The following OR1D2 variants were observed in gnomAD, a reference collection of about 807,000 sequenced individuals.
OR1D2 encodes olfactory receptor 1D2.
For synonymous variants in OR1D2, 157 were observed against 153.9 expected (o/e 1.02, Z -0.15); for missense variants, 357 against 376.1 (o/e 0.95, Z 0.42).
At chr17:3,099,623 G>A (rs569412326) in intron 1 of OR1D2, among the ~76,000 whole-genome samples, 1 of 152,222 alleles carries the variant, frequency 6.6e-6, no homozygotes, top group East Asian at 1.9e-4. Flanking sequence ...ATCAACCAGT[G>A]TGCAAAATAA....
intron 1 of OR1D2, among the ~76,000 whole-genome samples, chr17:3,098,734 G>A (rs1017210534): frequency 3.9e-5 from 6 of 152,148 alleles, no homozygotes; most frequent in African/African-American, 1.4e-4. Flanking sequence ...ACTCCTCCGA[G>A]CTAAAGGAGC....
intron 1 of OR1D2, among the ~76,000 whole-genome samples, chr17:3,096,849 T>C (rs2047847953): frequency 6.6e-6 from 1 of 152,180 alleles, no homozygotes; most frequent in African/African-American, 2.4e-5. Flanking sequence ...TGATCCACAC[T>C]GTAAATTAAC....
chr17:3,098,168 G>A (rs907295637), intron 1 of OR1D2, among the ~76,000 whole-genome samples: 21 of 152,314 alleles, frequency 1.4e-4, no homozygotes, highest in African/African-American at 4.6e-4. Context: ...TTCACCAAGG[G>A]ACAAAGTGCT....
chr17:3,097,242 T>A (rs9807055), intron 1 of OR1D2, among the ~76,000 whole-genome samples: 3,503 of 152,270 alleles, frequency 0.023, 142 homozygotes, highest in African/African-American at 0.078. Flanking sequence ...CATTTTACAA[T>A]GGACTTTAAA....
intron 1 of OR1D2, among the ~76,000 whole-genome samples, chr17:3,096,264 G>A (rs891015365): frequency 2.6e-5 from 4 of 152,108 alleles, no homozygotes; most frequent in Non-Finnish European, 5.9e-5. Flanking sequence ...TGAATGCATA[G>A]AACAATTCAA....
chr17:3,095,337 T>G (rs868740032), intron 1 of OR1D2, among the ~76,000 whole-genome samples: 1 of 151,894 alleles, frequency 6.6e-6, no homozygotes, highest in Middle Eastern at 3.2e-3. Flanking sequence ...CAAAGGAGGC[T>G]CCAAGACAGT....
chr17:3,101,460 TA>T (rs774697976), intron 1 of OR1D2, among the ~76,000 whole-genome samples: 13 of 152,152 alleles, frequency 8.5e-5, no homozygotes, highest in Non-Finnish European at 1.9e-4. Flanking sequence ...AGCATTTTGA[TA>T]AAATTCAACA....
chr17:3,092,014 G>T lies in OR1D2; in HGVS notation c.*44C>A, dbSNP rs1217828004. The T allele has an allele frequency of 7.1e-7, 1 of 1,418,214 alleles. No homozygotes were observed. The highest frequency in any genetic ancestry group is 1.4e-5 in the African/African-American group (1 of 70,838). The allele number at this position is 1,418,214 out of a possible 1,614,324, so 87.9% of individuals were successfully genotyped here. The stretch of plus-strand genomic sequence containing the variant: ...GGACAATCCCTTACATAGGGTGAAG[G>T]ATATTCCTAGTCTCCACTTTAATGC... On this transcript the variant is annotated 3_prime_UTR_variant, in exon 2 of 2. Transcript: ENST00000641833.
chr17:3,092,311 G>C lies in OR1D2; in HGVS notation c.686C>G (p.Pro229Arg), dbSNP rs1381565789. 7.4e-6 allele frequency: 12 copies of C among 1,613,984 alleles called. No homozygotes were observed. Among genetic ancestry groups the C allele is most frequent in the Non-Finnish European group, 8.5e-6 (10 of 1,180,028 alleles). Residue 229 changes from proline to arginine, a missense_variant, in exon 2 of 2, where the codon CCC becomes CGC. Physicochemically the swap from Pro to Arg is moderately radical, Grantham distance 103. Transcript: ENST00000641833. The part of the protein sequence containing the change: ...VLIIRAILRI[P>R]SVSKKYKAFS... ...GGCTTTGTATTTCTTAGAGACTGAGGGTATTCTGAGGATGGCTCTGATAAT... is the reference window on the plus strand; with the variant it reads ...GGCTTTGTATTTCTTAGAGACTGAGCGTATTCTGAGGATGGCTCTGATAAT...
chr17:3,098,806 T>G (rs530791371), intron 1 of OR1D2, among the ~76,000 whole-genome samples: 23 of 152,224 alleles, frequency 1.5e-4, no homozygotes, highest in African/African-American at 5.5e-4. Flanking sequence ...AGCTGCTGAC[T>G]AGAATAATCA....
At chr17:3,102,799 G>T (rs923860183) in intron 1 of OR1D2, among the ~76,000 whole-genome samples, 1 of 152,148 alleles carries the variant, frequency 6.6e-6, no homozygotes, top group South Asian at 2.1e-4. Flanking sequence ...TGTGATGGGG[G>T]TGGCAAAGGG....
intron 1 of OR1D2, among the ~76,000 whole-genome samples, chr17:3,101,718 G>A (rs2047875692): frequency 6.6e-6 from 1 of 152,176 alleles, no homozygotes; most frequent in African/African-American, 2.4e-5. Flanking sequence ...TAGGAAGAGA[G>A]GAAGTCGAAT....
intron 1 of OR1D2, among the ~76,000 whole-genome samples, chr17:3,099,857 A>T (rs2047866569): frequency 1.3e-5 from 2 of 152,172 alleles, no homozygotes; most frequent in Non-Finnish European, 2.9e-5. Context: ...AAGCAAAAAA[A>T]TAAAAAATAA....
intron 1 of OR1D2, among the ~76,000 whole-genome samples, chr17:3,094,411 TA>T (rs554084257): frequency 5.3e-5 from 8 of 149,664 alleles, no homozygotes; most frequent in East Asian, 1.9e-4. Flanking sequence ...TGTAAAAATA[TA>T]AAAAAATGTA....
chr17:3,100,217 A>G (rs1368288823), intron 1 of OR1D2, among the ~76,000 whole-genome samples: 1 of 152,198 alleles, frequency 6.6e-6, no homozygotes, highest in Non-Finnish European at 1.5e-5. Flanking sequence ...TCCACCCCCA[A>G]TCAACAAAAT....
At chr17:3,093,985 A>G (rs1160231854) in intron 1 of OR1D2, among the ~76,000 whole-genome samples, 2 of 152,212 alleles carry the variant, frequency 1.3e-5, no homozygotes. Flanking sequence ...TAGATAAGCT[A>G]GAAAAACATT....
Position 3,092,681 on chromosome 17 carries a change from A to G in OR1D2, c.316T>C (p.Ser106Pro), listed in dbSNP as rs926000759. The change falls in exon 2 of 2, where the codon TCC becomes CCC. Residue 106 changes from serine (S) to proline (P), a missense_variant. By Grantham distance (74) the Ser-to-Pro change is moderately conservative. Coordinates refer to ENST00000641833, the MANE Select transcript of OR1D2 (RefSeq NM_002548.3). The stretch of plus-strand genomic sequence containing the variant: ...ATGAGGTTGTCCAGGGCCACCAAGG[A>G]GACCAGGAAGTAGAGCTGTGTCAGA... ...GCLTQLYFLVSLVALDNLILA... is the reference protein window; with the variant it reads ...GCLTQLYFLVPLVALDNLILA... The G allele has an allele frequency of 4.3e-6, 7 of 1,614,140 alleles. No homozygotes were observed. The Middle Eastern group carries it at 5.0e-4, about 114-fold the overall frequency.
In OR1D2 at chr17:3,092,059, C is replaced by A; in HGVS notation, c.938G>T (p.Ter313LeuextTer45). The A allele has an allele frequency of 6.2e-7, 1 of 1,600,876 alleles. No individual in the cohort carries two copies. The highest frequency in any genetic ancestry group is 8.5e-7 in the Non-Finnish European group (1 of 1,173,574). Residue 313 changes from the stop codon to leucine (L), a stop_lost, in exon 2 of 2, where the codon TGA becomes TTA. Coordinates refer to ENST00000641833, the MANE Select transcript of OR1D2 (RefSeq NM_002548.3). ...TAATGCTGTCTTTCCAAATTGCCCTCATGTCAGCCTCTTAAAGTGTTTATC... is the reference window on the plus strand; with the variant it reads ...TAATGCTGTCTTTCCAAATTGCCCTAATGTCAGCCTCTTAAAGTGTTTATC... ...LLDKHFKRLT[*>L]
Position 3,089,131 on chromosome 17 carries a change from G to A in OR1D2, c.*2927C>T, listed in dbSNP as rs182933193. ...AGACTATGTCAGAAGGAAGATCTGG[G>A]GCTCAAGGGCTACTTATCAGATTGT... On this transcript the variant is annotated 3_prime_UTR_variant, in exon 2 of 2. Coordinates refer to ENST00000641833, the MANE Select transcript of OR1D2 (RefSeq NM_002548.3). The A allele has an allele frequency of 6.6e-6, 1 of 152,206 alleles. No homozygotes were observed. Among genetic ancestry groups the A allele is most frequent in the East Asian group, 1.9e-4 (1 of 5,172 alleles). 9.4% of individuals were successfully genotyped at this position (152,206 alleles called of 1,614,324 possible). A position where few individuals can be genotyped will look rare whatever the true frequency, so the allele number is the denominator to read the frequency against.
Sources: gnomAD v4.1 joint callset for allele counts (sites outside exome capture counted in the v4.1 genomes callset) on GRCh38, gnomAD v4.1.1 for gene constraint, MANE v1.5 for transcripts, NCBI Gene and HGNC (gene_info 2026-07-23, HGNC 2026-07-21) for gene names.